The following SHANK2 variants were observed in gnomAD, a reference collection of about 807,000 sequenced individuals.
The protein encoded by SHANK2 is SH3 and multiple ankyrin repeat domains protein 2.
SHANK2 carries 43 observed loss-of-function variants against 133.7 expected under a neutral mutation model. The ratio of observed to expected loss-of-function variants is 0.32; its 90% CI spans 0.25 to 0.41. The LOEUF is 0.41. SHANK2 is among the 10% of genes least tolerant of loss of function. The pLI is 1.00. For synonymous variants in SHANK2, 1,017 were observed against 952.8 expected (o/e 1.07, Z -1.24); for missense variants, 1,994 against 2,235.8 (o/e 0.89, Z 2.18).
Position 71,175,601 on chromosome 11 carries a change from A to G in SHANK2, c.-12-28263T>C, listed in dbSNP as rs1360188910. On this transcript the variant is annotated intron_variant, in intron 2 of 25. Transcript: ENST00000601538. This position sits in a 1 kb window ranked among gnomAD's most constrained non-coding sequence, Gnocchi z 4.2. Reference sequence around the variant, plus strand: ...GAGAGAGAGAGAGAGAGAGAGAGAGAGACAGAGACAGAGACATCGCTTCCA... The same window carrying G: ...GAGAGAGAGAGAGAGAGAGAGAGAGGGACAGAGACAGAGACATCGCTTCCA... 2.2e-5 allele frequency among the ~76,000 whole-genome samples: 3 copies of G among 136,740 alleles called. No homozygotes were observed. The highest frequency in any genetic ancestry group is 3.2e-5 in the Non-Finnish European group (2 of 63,380). 89.7% of individuals were successfully genotyped at this position (136,740 alleles called of 152,430 possible).
Position 70,785,441 on chromosome 11 carries a change from C to T in SHANK2, c.1777+13002G>A, listed in dbSNP as rs541308398. Among the ~76,000 whole-genome samples the T allele has an allele frequency of 4.2e-4, 64 of 152,322 alleles. No homozygotes were observed. The South Asian group carries it at 0.013, about 32-fold the overall frequency. On this transcript the variant is annotated intron_variant, in intron 14 of 25. Transcript: ENST00000601538. The stretch of plus-strand genomic sequence containing the variant: ...CCATCCCCTTACCTAACTCTCCTCT[C>T]TCCAAAAGTCTCCTCTCTCCTTTTT...
intron 11 of SHANK2, among the ~76,000 whole-genome samples, chr11:70,840,668 G>C (rs1432491191): frequency 6.6e-6 from 1 of 152,186 alleles, no homozygotes; most frequent in African/African-American, 2.4e-5. Flanking sequence ...GAGAGTTCTT[G>C]GGACCTCAGC....
At chr11:70,924,979 G>C (rs1555081295) in intron 10 of SHANK2, among the ~76,000 whole-genome samples, 1 of 152,112 alleles carries the variant, frequency 6.6e-6, no homozygotes, top group Non-Finnish European at 1.5e-5. Flanking sequence ...CGGGCTCACA[G>C]GGGGGCAGAT....
chr11:70,554,250 G>A (rs906372461), intron 17 of SHANK2, among the ~76,000 whole-genome samples: 8 of 152,274 alleles, frequency 5.3e-5, no homozygotes, highest in African/African-American at 1.9e-4. Context: ...CCCCTCCTAA[G>A]AGCCTGGCTT....
intron 17 of SHANK2, among the ~76,000 whole-genome samples, chr11:70,547,034 C>T (rs1290607026): frequency 1.3e-5 from 2 of 152,112 alleles, no homozygotes; most frequent in African/African-American, 4.8e-5. Flanking sequence ...CTCACCCCAG[C>T]CTGCCTGCAG....
rs370396618 is a variant in SHANK2 at position 70,595,872 on chromosome 11, A to G, written c.2061+63956T>C. 3.9e-5 allele frequency among the ~76,000 whole-genome samples: 6 copies of G among 152,364 alleles called. No individual in the cohort carries two copies. The East Asian group carries it at 5.8e-4, about 15-fold the overall frequency. On this transcript the variant is annotated intron_variant, in intron 17 of 25. Transcript: ENST00000601538. ...GGTCTTTGCAGATTTAGTTAAGGTA[A>G]GGTCATGCTGGATTAGGGTAGGACT...
At chr11:71,137,916 T>C (rs1432095374) in intron 3 of SHANK2, among the ~76,000 whole-genome samples, 2 of 152,116 alleles carry the variant, frequency 1.3e-5, no homozygotes, top group Non-Finnish European at 2.9e-5. Context: ...ACGCAGCTTC[T>C]AACGGTAACG....
At chr11:70,625,928 G>A (rs2060899333) in intron 17 of SHANK2, among the ~76,000 whole-genome samples, 1 of 151,326 alleles carries the variant, frequency 6.6e-6, no homozygotes, top group Non-Finnish European at 1.5e-5. Context: ...CAACCACCAG[G>A]CCAGCGTGGG....
intron 11 of SHANK2, among the ~76,000 whole-genome samples, chr11:70,825,016 A>T (rs1948616724): frequency 6.6e-6 from 1 of 151,960 alleles, no homozygotes; most frequent in Non-Finnish European, 1.5e-5. Flanking sequence ...CTCCCTACCC[A>T]TGTGGAGGAG....
intron 17 of SHANK2, among the ~76,000 whole-genome samples, chr11:70,526,193 C>T (rs970565882): frequency 6.6e-6 from 1 of 152,232 alleles, no homozygotes; most frequent in Admixed American, 6.5e-5. Context: ...CAAGGCTTTT[C>T]TGATTCTCTA....
At chr11:70,784,375 T>A (rs868940821) in intron 14 of SHANK2, among the ~76,000 whole-genome samples, 30 of 143,204 alleles carry the variant, frequency 2.1e-4, no homozygotes, top group Admixed American at 1.2e-3. Flanking sequence ...TTTTTTTTTT[T>A]AAGTAGCGAC....
At chr11:70,503,025 A>C in intron 17 of SHANK2, 94 bp from the exon 18 acceptor site, 1 of 1,402,034 alleles carries the variant, frequency 7.1e-7, no homozygotes, top group Non-Finnish European at 1.0e-6. Flanking sequence ...GGCTCCTAAA[A>C]AGGGGGCAAA....
intron 14 of SHANK2, among the ~76,000 whole-genome samples, chr11:70,760,208 C>T (rs1447757251): frequency 1.3e-5 from 2 of 152,238 alleles, no homozygotes; most frequent in Non-Finnish European, 2.9e-5. Flanking sequence ...CACAGCTCCT[C>T]CTGTAACCTG....
intron 11 of SHANK2, among the ~76,000 whole-genome samples, chr11:70,825,429 G>A (rs945591112): frequency 6.6e-6 from 1 of 152,196 alleles, no homozygotes; most frequent in South Asian, 2.1e-4. Flanking sequence ...TTAGAGGGGG[G>A]AAGAATTCAC....
intron 15 of SHANK2, among the ~76,000 whole-genome samples, chr11:70,666,825 G>A (rs1555014924): frequency 6.6e-6 from 1 of 151,786 alleles, no homozygotes; most frequent in East Asian, 1.9e-4. Flanking sequence ...GATCCTCTGA[G>A]TATCTCCATG....
intron 17 of SHANK2, among the ~76,000 whole-genome samples, chr11:70,544,701 G>A (rs1417728180): frequency 2.6e-5 from 4 of 152,206 alleles, no homozygotes; most frequent in Non-Finnish European, 5.9e-5. Flanking sequence ...TCTTTCATCC[G>A]GTAGGCGACA....
intron 1 of SHANK2, among the ~76,000 whole-genome samples, chr11:71,244,417 C>T (rs1027678056): frequency 6.6e-6 from 1 of 152,204 alleles, no homozygotes; most frequent in African/African-American, 2.4e-5. Flanking sequence ...GGGACCCATG[C>T]ACTGACAAGG....
chr11:70,513,306 G>A (rs2059226295), intron 17 of SHANK2, among the ~76,000 whole-genome samples: 1 of 152,172 alleles, frequency 6.6e-6, no homozygotes, highest in Non-Finnish European at 1.5e-5. Context: ...TTCATATTCT[G>A]TGTGTAAACT....
intron 15 of SHANK2, among the ~76,000 whole-genome samples, chr11:70,678,874 G>T (rs1944965375): frequency 1.3e-5 from 2 of 152,038 alleles, no homozygotes; most frequent in Non-Finnish European, 2.9e-5. Context: ...CGAACTGTTT[G>T]GTCCATGCCC....
Sources: gnomAD v4.1 joint callset for allele counts (sites outside exome capture counted in the v4.1 genomes callset) on GRCh38, gnomAD v4.1.1 for gene constraint, Gnocchi (gnomAD v3.1) non-coding constraint, MANE v1.5 for transcripts, NCBI Gene and HGNC (gene_info 2026-07-23, HGNC 2026-07-21) for gene names.